RAPGEF2: variants seen among roughly 807,000 people sequenced by gnomAD.
RAPGEF2 encodes Rap guanine nucleotide exchange factor 2, also known as PDZ domain containing guanine nucleotide exchange factor (GEF) 1.
Under a neutral mutation model 186.7 loss-of-function variants are expected in RAPGEF2, and 54 were observed. The ratio of observed to expected loss-of-function variants is 0.29; its 90% confidence interval spans 0.23 to 0.36. The LOEUF is 0.36. Among genes scored for constraint, RAPGEF2 ranks in the 10% least tolerant of loss-of-function variants. The pLI, the probability that RAPGEF2 is intolerant of heterozygous loss-of-function variation, is 1.00. For synonymous variants in RAPGEF2, 712 were observed against 705.9 expected (o/e 1.01, Z -0.14); for missense variants, 1,532 against 2,045.0 (o/e 0.75, Z 4.84).
intron 7 of RAPGEF2, among the ~76,000 whole-genome samples, chr4:159,291,659 T>A (rs963809448): frequency 2.0e-5 from 3 of 152,176 alleles, no homozygotes; most frequent in African/African-American, 7.2e-5. Context: ...ACACAGTACA[T>A]AAAGTTTCTC....
intron 18 of RAPGEF2, among the ~76,000 whole-genome samples, chr4:159,338,884 T>C (rs1767841416): frequency 6.6e-6 from 1 of 152,218 alleles, no homozygotes; most frequent in Non-Finnish European, 1.5e-5. Flanking sequence ...TGTTGTGTAC[T>C]GATGTGCTTG....
chr4:159,336,972 T>C (rs1315885937), intron 17 of RAPGEF2, among the ~76,000 whole-genome samples: 1 of 152,214 alleles, frequency 6.6e-6, no homozygotes, highest in African/African-American at 2.4e-5. Context: ...GTTATTTCTG[T>C]GTGTGTTTGC....
intron 7 of RAPGEF2, among the ~76,000 whole-genome samples, chr4:159,297,648 T>A (rs1418328213): frequency 1.5e-4 from 21 of 138,536 alleles, no homozygotes; most frequent in Non-Finnish European, 3.1e-4. Context: ...TGGGGAAATA[T>A]ATAGTAAGTG....
intron 9 of RAPGEF2, among the ~76,000 whole-genome samples, chr4:159,319,196 C>T (rs960347731): frequency 3.3e-5 from 5 of 152,036 alleles, no homozygotes; most frequent in African/African-American, 1.2e-4. Context: ...GGTACTGGTC[C>T]CTGACCTGTT....
intron 4 of RAPGEF2, among the ~76,000 whole-genome samples, chr4:159,234,549 A>ATT (rs10588096): frequency 1.2e-3 from 133 of 108,116 alleles, no homozygotes; most frequent in East Asian, 5.7e-3. Context: ...TGCCCGGCTA[A>ATT]TTTTTTTTTT....
At chr4:159,221,028 G>A (rs1215065245) in intron 4 of RAPGEF2, among the ~76,000 whole-genome samples, 1 of 152,196 alleles carries the variant, frequency 6.6e-6, no homozygotes, top group Non-Finnish European at 1.5e-5. Context: ...TCTGGGGAAA[G>A]CGTATGAGAA....
intron 1 of RAPGEF2, among the ~76,000 whole-genome samples, chr4:159,169,790 A>G (rs917941395): frequency 6.6e-6 from 1 of 152,180 alleles, no homozygotes; most frequent in African/African-American, 2.4e-5. Context: ...TGTTATACCT[A>G]TATACCGCAC....
chr4:159,106,329 G>A (rs549043758), intron 1 of RAPGEF2, among the ~76,000 whole-genome samples: 16 of 152,176 alleles, frequency 1.1e-4, no homozygotes, highest in Admixed American at 8.5e-4. Context: ...TCAAGAGAAA[G>A]TTGTTCGAAA....
chr4:159,275,561 T>G (rs1180140729), intron 7 of RAPGEF2, among the ~76,000 whole-genome samples: 2 of 152,148 alleles, frequency 1.3e-5, no homozygotes, highest in African/African-American at 4.8e-5. Context: ...ATTTTTAATT[T>G]TAGTATGTAG....
chr4:159,121,332 T>G (rs961170858), intron 1 of RAPGEF2, among the ~76,000 whole-genome samples: 1 of 148,258 alleles, frequency 6.7e-6, no homozygotes, highest in African/African-American at 2.5e-5. Flanking sequence ...ACCTCTCCCC[T>G]CCCCTCCCCT....
chr4:159,192,076 C>T (rs547449653), intron 2 of RAPGEF2, among the ~76,000 whole-genome samples: 272 of 152,294 alleles, frequency 1.8e-3, no homozygotes, highest in Non-Finnish European at 2.8e-3. Flanking sequence ...AGCCCATTAT[C>T]TAGTTTAAGA....
Position 159,238,793 on chromosome 4 carries a change from T to C in RAPGEF2, c.282-16T>C, listed in dbSNP as rs1387661604. ...CTGAGGTTCTCCTCATTGATTTTTT[T>C]TTTCTTTCTTTCTAGTTTTGGCAAG... is the stretch of plus-strand genomic sequence containing the variant. On this transcript the variant is annotated splice_polypyrimidine_tract_variant and intron_variant, in intron 4 of 29. Transcript: ENST00000691494. 3.3e-6 allele frequency: 5 copies of C among 1,514,842 alleles called. No homozygotes were observed. In the African/African-American group the frequency reaches 4.2e-5, roughly 13 times the overall value. 93.8% of individuals were successfully genotyped at this position (1,514,842 alleles called of 1,614,324 possible).
At chr4:159,246,665 T>G (rs754667592) in intron 7 of RAPGEF2, among the ~76,000 whole-genome samples, 10 of 152,200 alleles carry the variant, frequency 6.6e-5, no homozygotes, top group Non-Finnish European at 1.2e-4. Flanking sequence ...TTTCCGTGAT[T>G]GTGCACATTT....
At chr4:159,324,249 A>G (rs1211369281) in intron 11 of RAPGEF2, among the ~76,000 whole-genome samples, 3 of 150,834 alleles carry the variant, frequency 2.0e-5, no homozygotes, top group Non-Finnish European at 1.5e-5. Context: ...GCTGGTCTCA[A>G]ACTCCTGACC....
intron 3 of RAPGEF2, among the ~76,000 whole-genome samples, chr4:159,202,541 C>T (rs966652654): frequency 6.6e-6 from 1 of 152,128 alleles, no homozygotes; most frequent in Non-Finnish European, 1.5e-5. Context: ...TTCCGCAACG[C>T]CTGCCGCTCT....
chr4:159,291,047 T>C (rs887787933), intron 7 of RAPGEF2, among the ~76,000 whole-genome samples: 8 of 152,202 alleles, frequency 5.3e-5, no homozygotes, highest in African/African-American at 1.9e-4. Context: ...GATAGACACA[T>C]AACATGAATA....
chr4:159,330,058 A>G, intron 12 of RAPGEF2, 48 bp downstream of exon 12: 1 of 1,566,316 alleles, frequency 6.4e-7, no homozygotes, highest in Non-Finnish European at 8.6e-7. Context: ...TTTTTTTGGT[A>G]GTATTGGTTG....
intron 1 of RAPGEF2, among the ~76,000 whole-genome samples, chr4:159,111,092 T>A (rs1165909669): frequency 6.6e-6 from 1 of 152,112 alleles, no homozygotes; most frequent in East Asian, 1.9e-4. Flanking sequence ...AGCGTGTGTT[T>A]CTTGCTGTAT....
Position 159,203,369 on chromosome 4 carries a change from GTACT to G in RAPGEF2, c.198-7128_198-7125del, listed in dbSNP as rs1365014532. On this transcript the variant is annotated intron_variant, in intron 3 of 29. Coordinates refer to ENST00000691494, the MANE Select transcript of RAPGEF2 (RefSeq NM_001394067.2). ...GCATTATGTAGTGTATATATTGGGG[GTACT>G]TAAGAGTTAGAGGAGTTTAAAAACT... Among the ~76,000 whole-genome samples, 16 of 152,134 alleles carry G rather than the reference GTACT, an allele frequency of 1.1e-4. No homozygotes were observed. The South Asian group carries it at 1.7e-3, about 16-fold the overall frequency.
Sources: allele counts gnomAD v4.1 joint callset (sites outside exome capture counted in the v4.1 genomes callset), GRCh38; gene constraint gnomAD v4.1.1; transcripts MANE v1.5; gene names NCBI Gene and HGNC (gene_info 2026-07-23, HGNC 2026-07-21).